The following KLHL24 variants were observed in gnomAD, a reference collection of about 807,000 sequenced individuals.
The protein encoded by KLHL24 is kelch like family member 24.
In KLHL24, 29 loss-of-function variants were observed where a neutral mutation model predicts 53.4. That is an observed-to-expected ratio of 0.54 (90% CI 0.40 to 0.74). KLHL24 has a LOEUF of 0.74. Ranked by LOEUF, KLHL24 falls within the 30% of genes least tolerant of loss-of-function variation. KLHL24 has a pLI of 0.00. For missense variants in KLHL24, 504 were observed against 744.0 expected (o/e 0.68, Z 3.75); for synonymous variants, 222 against 253.7 (o/e 0.88, Z 1.19).
At chr3:183,640,994 A>G (rs1716337106) in intron 1 of KLHL24, among the ~76,000 whole-genome samples, 1 of 152,096 alleles carries the variant, frequency 6.6e-6, no homozygotes, top group African/African-American at 2.4e-5. Context: ...GGCTTTAAAC[A>G]TTACATTTGT....
intron 1 of KLHL24, among the ~76,000 whole-genome samples, chr3:183,638,674 G>T (rs979938148): frequency 6.6e-6 from 1 of 152,188 alleles, no homozygotes; most frequent in African/African-American, 2.4e-5. Flanking sequence ...TTAAGTGCTT[G>T]CCTGTCATCC....
intron 3 of KLHL24, among the ~76,000 whole-genome samples, chr3:183,657,626 C>T (rs919805745): frequency 5.9e-5 from 9 of 152,158 alleles, no homozygotes; most frequent in Admixed American, 4.6e-4. Context: ...CTCACTTGCT[C>T]CTAGTCACAA....
In KLHL24 at chr3:183,672,365, A is replaced by ATT; in HGVS notation, c.1484_1485insTT (p.Thr496Ter). On this transcript the variant is annotated frameshift_variant, in exon 7 of 8. Transcript: ENST00000242810. LOFTEE classifies it high-confidence loss of function. ...AGCTATCCCAATTGCCAAAAGGTGT[A>ATT]TAACAGCTGTATCCCTAAACAACCT... The ATT allele has an allele frequency of 6.2e-7, 1 of 1,613,236 alleles. No homozygotes were observed. Among genetic ancestry groups the ATT allele is most frequent in the Non-Finnish European group, 8.5e-7 (1 of 1,179,464 alleles).
chr3:183,644,641 C>T (rs1407406442), intron 2 of KLHL24, among the ~76,000 whole-genome samples: 1 of 152,042 alleles, frequency 6.6e-6, no homozygotes, highest in Non-Finnish European at 1.5e-5. Flanking sequence ...TGTCAGTGAA[C>T]AAATCAAGGA....
chr3:183,663,379 A>G lies in KLHL24; in HGVS notation c.921-79A>G. ...ATAATAGTGCGTGGTTTGTTTTTAG[A>G]GTTTTAAGAAAAAATCTGGAGTATA... On this transcript the variant is annotated intron_variant, in intron 3 of 7. Coordinates refer to ENST00000242810, the MANE Select transcript of KLHL24 (RefSeq NM_017644.3). This position sits in a 1 kb window ranked among gnomAD's most constrained non-coding sequence, Gnocchi z 4.9. 1.3e-6 allele frequency: 1 copy of G among 744,114 alleles called. No individual in the cohort carries two copies. The highest frequency in any genetic ancestry group is 2.0e-6 in the Non-Finnish European group (1 of 511,796). 46.1% of individuals were successfully genotyped at this position (744,114 alleles called of 1,614,324 possible).
chr3:183,670,502 CT>C (rs1316627483), intron 5 of KLHL24, among the ~76,000 whole-genome samples: 1 of 152,142 alleles, frequency 6.6e-6, no homozygotes, highest in African/African-American at 2.4e-5. Context: ...GTGTCAAGTA[CT>C]TTTCTAGGTA....
intron 7 of KLHL24, among the ~76,000 whole-genome samples, chr3:183,678,413 G>T (rs1437944613): frequency 6.6e-6 from 1 of 152,048 alleles, no homozygotes; most frequent in Admixed American, 6.5e-5. Flanking sequence ...AGCAAGCCAG[G>T]CTCTTTAAAG....
intron 3 of KLHL24, among the ~76,000 whole-genome samples, chr3:183,661,008 T>C (rs1194453904): frequency 1.2e-5 from 1 of 80,518 alleles, no homozygotes; most frequent in Non-Finnish European, 2.3e-5. Flanking sequence ...GAGCTTGCAG[T>C]GAGCCGAGAT....
At chr3:183,660,652 G>C (rs1719601466) in intron 3 of KLHL24, among the ~76,000 whole-genome samples, 1 of 152,038 alleles carries the variant, frequency 6.6e-6, no homozygotes, top group African/African-American at 2.4e-5. Context: ...TGAAAAGTTG[G>C]CATTTTGCGT....
rs1439865446 is a variant in KLHL24, at chr3:183,679,202, A to C, written c.1719A>C (p.Thr573=). 6.2e-7 allele frequency: 1 copy of C among 1,614,012 alleles called. No individual in the cohort carries two copies. Among genetic ancestry groups the C allele is most frequent in the African/African-American group, 1.3e-5 (1 of 75,036 alleles). ...ATGATCCTGCAACAAGTATCATCAC[A>C]GGGGTAGCTGCAATGCCCAGGCCAG... ...LCYDPATSII[T]GVAAMPRPVS... The change falls in exon 8 of 8, where the codon ACA becomes ACC. Residue 573 remains threonine (T), a synonymous_variant. Coordinates refer to ENST00000242810, the MANE Select transcript of KLHL24 (RefSeq NM_017644.3).
At chr3:183,671,506 A>G (rs1167270063) in intron 6 of KLHL24, among the ~76,000 whole-genome samples, 1 of 152,236 alleles carries the variant, frequency 6.6e-6, no homozygotes, top group African/African-American at 2.4e-5. Context: ...GCTGTCATCT[A>G]CAAAATCTAA....
chr3:183,650,543 C>G lies in KLHL24; in HGVS notation c.187C>G (p.Arg63Gly). ...GATATTTAATGAATTTCGTGATAGC[C>G]GCTTATTCACAGATGTTATCATTTG... is the stretch of plus-strand genomic sequence containing the variant. ...LQIFNEFRDS[R>G]LFTDVIICVE... Residue 63 changes from arginine to glycine, a missense_variant, in exon 3 of 8, where the codon CGC (arginine) becomes GGC (glycine). By Grantham distance (125) the Arg-to-Gly change is moderately radical (BLOSUM62 -2). Coordinates refer to ENST00000242810, the MANE Select transcript of KLHL24 (RefSeq NM_017644.3). This position sits in a 1 kb window ranked among gnomAD's most constrained non-coding sequence, Gnocchi z 4.5. The G allele has an allele frequency of 6.2e-7, 1 of 1,613,940 alleles. No individual in the cohort carries two copies. The highest frequency in any genetic ancestry group is 1.1e-5 in the South Asian group (1 of 91,070).
At chr3:183,647,729 C>T (rs560005862) in intron 2 of KLHL24, among the ~76,000 whole-genome samples, 4 of 151,248 alleles carry the variant, frequency 2.6e-5, no homozygotes, top group Admixed American at 6.6e-5. Flanking sequence ...ACAGGCTGAG[C>T]GCAGTGGCTC....
intron 5 of KLHL24, among the ~76,000 whole-genome samples, chr3:183,666,405 G>A (rs922433494): frequency 3.3e-5 from 5 of 152,046 alleles, no homozygotes; most frequent in South Asian, 2.1e-4. Flanking sequence ...CAAGGCCACA[G>A]GTGTACACCA....
intron 2 of KLHL24, among the ~76,000 whole-genome samples, chr3:183,645,478 A>T (rs1236695686): frequency 6.6e-6 from 1 of 152,244 alleles, no homozygotes; most frequent in Non-Finnish European, 1.5e-5. Flanking sequence ...ATGCATCCAG[A>T]CATCCACACA....
At chr3:183,639,373 G>A (rs1299167444) in intron 1 of KLHL24, among the ~76,000 whole-genome samples, 1 of 152,146 alleles carries the variant, frequency 6.6e-6, no homozygotes, top group Non-Finnish European at 1.5e-5. Context: ...GCTCACGCCT[G>A]TAATCCCAGC....
At chr3:183,660,053 A>G (rs933786572) in intron 3 of KLHL24, among the ~76,000 whole-genome samples, 1 of 152,156 alleles carries the variant, frequency 6.6e-6, no homozygotes, top group Non-Finnish European at 1.5e-5. Context: ...GAATGGGAGA[A>G]GCAAAAAATG....
At chr3:183,656,035 ATCTTTTTTT>A (rs1718822427) in intron 3 of KLHL24, among the ~76,000 whole-genome samples, 1 of 104,442 alleles carries the variant, frequency 9.6e-6, no homozygotes, top group Non-Finnish European at 1.9e-5. Flanking sequence ...TGCCCTTAGC[ATCTTTTTTT>A]TTTTTTTTTT....
At chr3:183,675,196 A>G (rs1711612607) in intron 7 of KLHL24, among the ~76,000 whole-genome samples, 1 of 152,196 alleles carries the variant, frequency 6.6e-6, no homozygotes, top group Admixed American at 6.5e-5. Flanking sequence ...GAGGGACTTA[A>G]TTTTAAGATA....
Sources: gnomAD v4.1 joint callset for allele counts (sites outside exome capture counted in the v4.1 genomes callset) on GRCh38, gnomAD v4.1.1 for gene constraint, Gnocchi (gnomAD v3.1) non-coding constraint, MANE v1.5 for transcripts, NCBI Gene and HGNC (gene_info 2026-07-23, HGNC 2026-07-21) for gene names.